The following CR1 variants were observed in gnomAD, a reference collection of about 807,000 sequenced individuals.
CR1 encodes complement receptor type 1.
CR1 carries 116 observed loss-of-function variants against 187.3 expected under a neutral mutation model. The observed-to-expected ratio is 0.62, with a 90% CI of 0.53 to 0.72. The LOEUF is 0.72. Ranked by LOEUF, CR1 falls within the 30% of genes least tolerant of loss-of-function variation. CR1 has a pLI of 0.00. For missense variants in CR1, 1,731 were observed against 2,110.7 expected (o/e 0.82, Z 3.52); for synonymous variants, 576 against 747.1 (o/e 0.77, Z 3.73).
At chr1:207,576,663 C>G (rs972900376) in intron 28 of CR1, among the ~76,000 whole-genome samples, 13 of 151,926 alleles carry the variant, frequency 8.6e-5, no homozygotes, top group Non-Finnish European at 1.8e-4. Context: ...ACAAAAAATA[C>G]AAAAACTAAA....
intron 3 of CR1, among the ~76,000 whole-genome samples, chr1:207,511,048 C>T (rs1659598978): frequency 6.6e-6 from 1 of 152,038 alleles, no homozygotes; most frequent in Non-Finnish European, 1.5e-5. Flanking sequence ...TCTCGAACTC[C>T]TGAGCTCAAG....
At chr1:207,600,321 T>C (rs569124605) in intron 35 of CR1, among the ~76,000 whole-genome samples, 2 of 152,272 alleles carry the variant, frequency 1.3e-5, no homozygotes, top group South Asian at 2.1e-4. Flanking sequence ...AAACTTCAGA[T>C]TGGGCAAATA....
chr1:207,618,109 A>G lies in CR1; in HGVS notation c.6928A>G (p.Ile2310Val), dbSNP rs760382005. 13 of 1,613,810 alleles carry G rather than the reference A, an allele frequency of 8.1e-6. 1 individual carries two copies. The South Asian group carries it at 9.9e-5, about 12-fold the overall frequency. The change falls in exon 42 of 47, where the codon ATT becomes GTT. Residue 2310 changes from isoleucine to valine, a missense_variant. Ile to Val is a conservative substitution (Grantham distance 29). This residue lies in a region of CR1 where 1,312 missense variants were observed against 1,379.6 expected (regional missense o/e 0.95). Transcript: ENST00000367049. ...ACCCAAGATCCAAAACGGGCATTAC[A>G]TTGGAGGACACGTATCTCTATATCT... is the stretch of plus-strand genomic sequence containing the variant. ...HPPKIQNGHY[I>V]GGHVSLYLPG... is the part of the protein sequence containing the mutation.
intron 46 of CR1, among the ~76,000 whole-genome samples, chr1:207,636,011 A>C (rs532955002): frequency 6.6e-6 from 1 of 152,216 alleles, no homozygotes; most frequent in South Asian, 2.1e-4. Context: ...AACAAAATGG[A>C]GTCTCCTATG....
At chr1:207,544,555 GATCCAA>G (rs1660257663) in intron 13 of CR1, among the ~76,000 whole-genome samples, 1 of 71,578 alleles carries the variant, frequency 1.4e-5, no homozygotes, top group Non-Finnish European at 2.6e-5. Flanking sequence ...ATTTATTTGA[GATCCAA>G]ATGTGTTTTG....
intron 4 of CR1, 79 bp downstream of exon 4, chr1:207,511,733 A>G: frequency 7.3e-7 from 1 of 1,378,488 alleles, no homozygotes; most frequent in South Asian, 1.2e-5. Context: ...TCTTAACTGA[A>G]TTCCTTCTGT....
chr1:207,524,735 C>T (rs1402113415), intron 5 of CR1, among the ~76,000 whole-genome samples: 2 of 151,824 alleles, frequency 1.3e-5, no homozygotes, highest in Non-Finnish European at 2.9e-5. Flanking sequence ...AGATAACATT[C>T]TGAGACAGTA....
In CR1 at chr1:207,587,479, A is replaced by G. The variant is rs2102353134; in HGVS notation, c.5624A>G (p.Glu1875Gly). 1 of 1,613,972 alleles carries G rather than the reference A, an allele frequency of 6.2e-7. No homozygotes were observed. Among genetic ancestry groups the G allele is most frequent in the Non-Finnish European group, 8.5e-7 (1 of 1,179,828 alleles). ...EFPVGTSLNY[E>G]CRPGYFGKMF... ...CCAGTCGGGACATCTTTGAATTATG[A>G]ATGCCGTCCTGGGTATTTTGGGAAA... is the stretch of plus-strand genomic sequence containing the variant. The change falls in exon 34 of 47, where the codon GAA (glutamate) becomes GGA (glycine). Residue 1875 changes from glutamate to glycine, a missense_variant. Physicochemically the swap from Glu to Gly is moderately conservative, Grantham distance 98 (BLOSUM62 -2). Coordinates refer to ENST00000367049, the MANE Select transcript of CR1 (RefSeq NM_000651.6).
chr1:207,505,412 C>A (rs1307618302), intron 1 of CR1, among the ~76,000 whole-genome samples: 1 of 152,172 alleles, frequency 6.6e-6, no homozygotes, highest in Non-Finnish European at 1.5e-5. Flanking sequence ...GATCCACCCA[C>A]CTTGGCCTCT....
At chr1:207,632,424 A>G (rs1662671887) in intron 46 of CR1, among the ~76,000 whole-genome samples, 1 of 152,180 alleles carries the variant, frequency 6.6e-6, no homozygotes, top group African/African-American at 2.4e-5. Flanking sequence ...TAAAAATTGT[A>G]TTATTTCAAC....
At chr1:207,499,846 T>G (rs1383348283) in intron 1 of CR1, among the ~76,000 whole-genome samples, 1 of 152,200 alleles carries the variant, frequency 6.6e-6, no homozygotes, top group African/African-American at 2.4e-5. Context: ...TTATCTATTT[T>G]AATCTAAAAT....
intron 27 of CR1, among the ~76,000 whole-genome samples, chr1:207,574,358 T>TAA (rs1410082655): frequency 6.6e-6 from 1 of 152,174 alleles, no homozygotes; most frequent in Non-Finnish European, 1.5e-5. Context: ...TATACAACAC[T>TAA]AAATTGTAGA....
rs760418677 is a variant in CR1 at position 207,567,991 on chromosome 1, C to G, written c.4120C>G (p.Pro1374Ala). The change falls in exon 25 of 47, where the codon CCT becomes GCT. Residue 1374 changes from proline (P) to alanine (A), a missense_variant. Pro to Ala is a conservative substitution (Grantham distance 27, BLOSUM62 -1). Around this residue, in one of 5 missense-constraint regions of CR1, gnomAD observed 1,312 missense variants for 1,379.6 expected, o/e 0.95. Coordinates refer to ENST00000367049, the MANE Select transcript of CR1 (RefSeq NM_000651.6). ...GAGCACCATCCGCTGCACAAGTGAC[C>G]CTCAAGGGAATGGGGTTTGGAGCAG... Reference protein sequence around the residue: ...GESTIRCTSDPQGNGVWSSPA... With the variant: ...GESTIRCTSDAQGNGVWSSPA... The G allele has an allele frequency of 3.5e-5, 57 of 1,610,382 alleles. 1 individual carries two copies. In the South Asian group the frequency reaches 5.7e-4, roughly 16 times the overall value.
chr1:207,525,118 A>C (rs560480526), intron 5 of CR1, among the ~76,000 whole-genome samples: 1 of 152,068 alleles, frequency 6.6e-6, no homozygotes, highest in South Asian at 2.1e-4. Flanking sequence ...ATCTCGAGAG[A>C]ACTCTATCAC....
rs184027188 is a variant in CR1 at position 207,498,163 on chromosome 1, T to C, written c.121+1775T>C. Among the ~76,000 whole-genome samples the C allele has an allele frequency of 9.2e-5, 14 of 152,328 alleles. No homozygotes were observed. In the East Asian group the frequency reaches 2.5e-3, roughly 27 times the overall value. On this transcript the variant is annotated intron_variant, in intron 1 of 46. Coordinates refer to ENST00000367049, the MANE Select transcript of CR1 (RefSeq NM_000651.6). ...CATCCTGATCTCTGAGAGAGACGTT[T>C]TGAAAATCAGATGGTGTAATGCATG...
chr1:207,578,296 G>T, intron 29 of CR1, 93 bp downstream of exon 29: 1 of 1,603,092 alleles, frequency 6.2e-7, no homozygotes, highest in Admixed American at 1.7e-5. Flanking sequence ...AGGTATGTAT[G>T]GTGAGGAGGG....
rs767996719 is a variant in CR1, at chr1:207,617,483, G to GTATATA, written c.6890-568_6890-563dup. Among the ~76,000 whole-genome samples the GTATATA allele has an allele frequency of 4.1e-3, 173 of 41,758 alleles. 12 individuals carry two copies. The highest frequency in any genetic ancestry group is 0.012 in the African/African-American group (152 of 12,850). The allele number at this position is 41,758 out of a possible 152,430, so 27.4% of individuals were successfully genotyped here. On this transcript the variant is annotated intron_variant, in intron 41 of 46. Coordinates refer to ENST00000367049, the MANE Select transcript of CR1 (RefSeq NM_000651.6). ...GTGCATATGTACCCTAGAACTTAAA[G>GTATATA]TATATATATATATATATATATATAT...
chr1:207,509,649 C>T (rs1177583964), intron 3 of CR1, among the ~76,000 whole-genome samples: 5 of 152,232 alleles, frequency 3.3e-5, no homozygotes, highest in African/African-American at 1.2e-4. Context: ...AAAATGCCAA[C>T]TTAAGTTTGA....
chr1:207,615,542 G>T (rs184048986), intron 40 of CR1, among the ~76,000 whole-genome samples: 146 of 152,194 alleles, frequency 9.6e-4, no homozygotes, highest in Middle Eastern at 6.8e-3. Context: ...TTAGATAAAA[G>T]TACATGTTTG....
Sources: gnomAD v4.1 joint callset for allele counts (sites outside exome capture counted in the v4.1 genomes callset) on GRCh38, gnomAD v4.1.1 for gene constraint, gnomAD v4.1.1 regional missense constraint, MANE v1.5 for transcripts, NCBI Gene and HGNC (gene_info 2026-07-23, HGNC 2026-07-21) for gene names.